NAALADL2: variants seen among roughly 807,000 people sequenced by gnomAD.
The protein encoded by NAALADL2 is inactive N-acetylated-alpha-linked acidic dipeptidase-like protein 2.
In NAALADL2, 76 loss-of-function variants were observed where a neutral mutation model predicts 87.2. That is an observed-to-expected ratio of 0.87 (90% CI 0.72 to 1.05). NAALADL2 has a LOEUF of 1.05. Ranked by LOEUF, NAALADL2 falls within the 50% of genes least tolerant of loss-of-function variation. NAALADL2 has a pLI of 0.00. For missense variants in NAALADL2, 1,089 were observed against 945.8 expected (o/e 1.15, Z -1.99); for synonymous variants, 354 against 331.0 (o/e 1.07, Z -0.75).
At chr3:174,607,599 T>C (rs1361222233) in intron 2 of NAALADL2, among the ~76,000 whole-genome samples, 1 of 151,646 alleles carries the variant, frequency 6.6e-6, no homozygotes, top group South Asian at 2.1e-4. Flanking sequence ...AAGGGATCAA[T>C]TCAACAAGAA....
chr3:174,931,083 A>G (rs1736828053), intron 1 of NAALADL2, among the ~76,000 whole-genome samples: 1 of 152,122 alleles, frequency 6.6e-6, no homozygotes, highest in Non-Finnish European at 1.5e-5. Flanking sequence ...ATACTAATGA[A>G]CTATATTTCT....
chr3:174,750,470 G>C lies in NAALADL2; in HGVS notation c.-9+12724G>C, dbSNP rs536615588. On this transcript the variant is annotated intron_variant, in intron 3 of 3. Coordinates refer to the NAALADL2 transcript ENST00000434257. ...TTGGAGACAGACTTCTGCTGCTGTT[G>C]CCCAGGCTGGCATGCAGTAGCACAA... Among the ~76,000 whole-genome samples the C allele has an allele frequency of 3.3e-5, 5 of 151,126 alleles. No individual in the cohort carries two copies. In the East Asian group the frequency reaches 9.7e-4, roughly 29 times the overall value.
At chr3:175,064,588 G>A (rs1047106645) in intron 1 of NAALADL2, among the ~76,000 whole-genome samples, 2 of 152,178 alleles carry the variant, frequency 1.3e-5, no homozygotes, top group Non-Finnish European at 2.9e-5. Context: ...TCAACTTTCT[G>A]TGACTTATCA....
intron 5 of NAALADL2, among the ~76,000 whole-genome samples, chr3:175,383,891 G>A (rs959310188): frequency 6.6e-6 from 1 of 152,036 alleles, no homozygotes; most frequent in African/African-American, 2.4e-5. Context: ...TTCTTTCTCA[G>A]TAATCAACTG....
intron 4 of NAALADL2, among the ~76,000 whole-genome samples, chr3:175,297,935 A>G (rs984090301): frequency 6.6e-6 from 1 of 152,160 alleles, no homozygotes; most frequent in African/African-American, 2.4e-5. Context: ...CTATGAATAC[A>G]TTGTCTCCCA....
chr3:175,716,547 C>T (rs867819908), intron 11 of NAALADL2, among the ~76,000 whole-genome samples: 18 of 151,880 alleles, frequency 1.2e-4, no homozygotes, highest in African/African-American at 3.9e-4. Context: ...TGAGTCAGCT[C>T]TACAAAGAAC....
intron 3 of NAALADL2, among the ~76,000 whole-genome samples, chr3:174,784,617 C>T (rs1045741526): frequency 2.0e-5 from 3 of 152,102 alleles, no homozygotes; most frequent in African/African-American, 7.2e-5. Context: ...ACATTGAAGT[C>T]GTTGAGTAAT....
At chr3:174,441,133 G>C (rs9784263) in intron 1 of NAALADL2, 71,009 of 152,096 alleles carry the variant, frequency 0.47, 18,348 homozygotes, top group East Asian at 0.8. Context: ...TTGCTCCTCC[G>C]TCCTACCCAA....
intron 3 of NAALADL2, among the ~76,000 whole-genome samples, chr3:174,786,982 A>C (rs927681444): frequency 3.9e-5 from 6 of 152,082 alleles, no homozygotes; most frequent in Admixed American, 2.6e-4. Flanking sequence ...AATCAGATAA[A>C]AATAAATCAG....
chr3:174,864,711 T>C (rs60587545), intron 1 of NAALADL2, among the ~76,000 whole-genome samples: 3,519 of 152,210 alleles, frequency 0.023, 110 homozygotes, highest in African/African-American at 0.068. Flanking sequence ...AGTATATAAA[T>C]GTAATTATTA....
chr3:175,734,456 G>T (rs1422045484), intron 11 of NAALADL2, among the ~76,000 whole-genome samples: 1 of 151,998 alleles, frequency 6.6e-6, no homozygotes, highest in Admixed American at 6.6e-5. Context: ...ACTTGGGAGG[G>T]TGAGGCAGGA....
intron 13 of NAALADL2, among the ~76,000 whole-genome samples, chr3:175,796,272 G>T (rs1037982652): frequency 2.6e-5 from 4 of 152,096 alleles, no homozygotes; most frequent in African/African-American, 9.7e-5. Flanking sequence ...CCAAATTCAA[G>T]AGGTAGAGAA....
At chr3:175,685,474 G>GTGTA (rs1553949927) in intron 11 of NAALADL2, among the ~76,000 whole-genome samples, 3 of 151,718 alleles carry the variant, frequency 2.0e-5, no homozygotes, top group Non-Finnish European at 4.4e-5. Flanking sequence ...GTGTGTGTGT[G>GTGTA]TGTGTGTGTG....
At chr3:174,730,404 A>G (rs1732586435) in intron 2 of NAALADL2, among the ~76,000 whole-genome samples, 1 of 152,132 alleles carries the variant, frequency 6.6e-6, no homozygotes, top group Non-Finnish European at 1.5e-5. Flanking sequence ...TTCATGGGGT[A>G]ACATCCAGGC....
intron 1 of NAALADL2, among the ~76,000 whole-genome samples, chr3:175,068,743 G>C (rs1304931559): frequency 6.6e-6 from 1 of 152,022 alleles, no homozygotes. Context: ...ATAATTTATT[G>C]GTTTGTAAAC....
At chr3:174,980,092 C>G (rs1310415819) in intron 1 of NAALADL2, among the ~76,000 whole-genome samples, 1 of 152,158 alleles carries the variant, frequency 6.6e-6, no homozygotes, top group African/African-American at 2.4e-5. Context: ...ACCTCTTTCT[C>G]CGTTTACATG....
intron 3 of NAALADL2, among the ~76,000 whole-genome samples, chr3:174,842,120 C>T (rs57453211): frequency 0.16 from 24,754 of 150,354 alleles, 2,428 homozygotes; most frequent in African/African-American, 0.27. Context: ...GGCGTGATCT[C>T]TGCTCACCAT....
chr3:175,506,586 C>T (rs1376378539), intron 9 of NAALADL2, among the ~76,000 whole-genome samples: 1 of 152,196 alleles, frequency 6.6e-6, no homozygotes, highest in African/African-American at 2.4e-5. Flanking sequence ...ATCTCAGTCA[C>T]ACTTCACTGG....
intron 3 of NAALADL2, among the ~76,000 whole-genome samples, chr3:174,820,431 A>G (rs1721290384): frequency 6.6e-6 from 1 of 152,226 alleles, no homozygotes; most frequent in South Asian, 2.1e-4. Flanking sequence ...TGCAAAAAAT[A>G]TAATTTATCA....
Sources: gnomAD v4.1 joint callset for allele counts (sites outside exome capture counted in the v4.1 genomes callset) on GRCh38, gnomAD v4.1.1 for gene constraint, MANE v1.5 for transcripts, NCBI Gene and HGNC (gene_info 2026-07-23, HGNC 2026-07-21) for gene names.